The following INPP5A variants were observed in gnomAD, a reference collection of about 807,000 sequenced individuals.
INPP5A encodes 43 kDa inositol polyphosphate 5-phophatase.
Under a neutral mutation model 65.2 loss-of-function variants are expected in INPP5A, and 14 were observed. The observed-to-expected ratio is 0.21, with a 90% CI of 0.14 to 0.34. INPP5A has a LOEUF of 0.34. Ranked by LOEUF, INPP5A falls within the 10% of genes least tolerant of loss-of-function variation. The probability of loss-of-function intolerance (pLI) is 1.00; values close to 1 mark genes in which losing one functional copy is unlikely to be tolerated. For synonymous variants in INPP5A, 207 were observed against 208.3 expected, an observed-to-expected ratio of 0.99 and a Z score of 0.05; for missense variants, 431 against 545.6, an observed-to-expected ratio of 0.79 and a Z score of 2.09.
intron 1 of INPP5A, among the ~76,000 whole-genome samples, chr10:132,543,971 G>A (rs1283621131): frequency 2.0e-5 from 3 of 152,256 alleles, no homozygotes; most frequent in Non-Finnish European, 4.4e-5. Context: ...TGCGTTCTCA[G>A]TGCTGTTGGG....
At chr10:132,763,954 A>G (rs1460090599) in intron 11 of INPP5A, among the ~76,000 whole-genome samples, 1 of 152,238 alleles carries the variant, frequency 6.6e-6, no homozygotes. Flanking sequence ...GCCTTTGAGG[A>G]GGGGCATCCG....
intron 12 of INPP5A, among the ~76,000 whole-genome samples, chr10:132,770,959 A>G (rs1203194466): frequency 6.6e-6 from 1 of 152,176 alleles, no homozygotes; most frequent in South Asian, 2.1e-4. Flanking sequence ...ACGTTTTCCA[A>G]CACCCTCGGG....
chr10:132,752,026 G>A (rs1211675588), intron 11 of INPP5A, among the ~76,000 whole-genome samples: 10 of 148,996 alleles, frequency 6.7e-5, no homozygotes, highest in African/African-American at 2.2e-4. Flanking sequence ...AGAGGCAGGT[G>A]CCCAGGAAGC....
Position 132,782,451 on chromosome 10 carries a change from G to GA in INPP5A, c.*423dup. 1 of 212,982 alleles carries GA rather than the reference G, an allele frequency of 4.7e-6. No homozygotes were observed. The highest frequency in any genetic ancestry group is 6.9e-5 in the South Asian group (1 of 14,426). The allele number at this position is 212,982 out of a possible 1,614,324, so 13.2% of individuals were successfully genotyped here. A position where few individuals can be genotyped will look rare whatever the true frequency, so the allele number is the denominator to read the frequency against. On this transcript the variant is annotated 3_prime_UTR_variant, in exon 16 of 16. Coordinates refer to ENST00000368594, the MANE Select transcript of INPP5A (RefSeq NM_005539.5). The surrounding 1 kb of genome is among the most constrained non-coding windows in gnomAD (Gnocchi z 4.4). Reference sequence around the variant, plus strand: ...GGTGTGTCCAGGGGCTGGGGAAGCCGAGACGGGCACTCCCTCTGCCGGCCG... The same window carrying GA: ...GGTGTGTCCAGGGGCTGGGGAAGCCGAAGACGGGCACTCCCTCTGCCGGCCG...
intron 9 of INPP5A, among the ~76,000 whole-genome samples, chr10:132,739,604 C>A: frequency 6.6e-6 from 1 of 152,216 alleles, no homozygotes; most frequent in East Asian, 1.9e-4. Flanking sequence ...CAGAGGGGGA[C>A]GCAGCGCTCT....
chr10:132,651,083 C>A lies in INPP5A; in HGVS notation c.306+578C>A, dbSNP rs552569495. ...CACATGAGAGGGTGGCCCTGGTGGACGTGGCAGCCACAGAGATACAGGCAC... is the reference window on the plus strand; with the variant it reads ...CACATGAGAGGGTGGCCCTGGTGGAAGTGGCAGCCACAGAGATACAGGCAC... On this transcript the variant is annotated intron_variant, in intron 4 of 15. Coordinates refer to ENST00000368594, the MANE Select transcript of INPP5A (RefSeq NM_005539.5). The surrounding 1 kb of genome is among the most constrained non-coding windows in gnomAD (Gnocchi z 5.0). 6.6e-6 allele frequency among the ~76,000 whole-genome samples: 1 copy of A among 152,240 alleles called. No individual in the cohort carries two copies. Among genetic ancestry groups the A allele is most frequent in the East Asian group, 1.9e-4 (1 of 5,172 alleles).
chr10:132,768,656 C>T (rs936318207), intron 12 of INPP5A, among the ~76,000 whole-genome samples: 2 of 152,224 alleles, frequency 1.3e-5, no homozygotes, highest in Admixed American at 6.5e-5. Flanking sequence ...CGTGGGAAGG[C>T]GTCCTTGCCA....
intron 9 of INPP5A, among the ~76,000 whole-genome samples, chr10:132,734,134 G>A (rs551281510): frequency 4.6e-5 from 7 of 152,348 alleles, no homozygotes; most frequent in African/African-American, 1.4e-4. Context: ...TGCCATGCCC[G>A]TGCAGCCTCC....
intron 1 of INPP5A, among the ~76,000 whole-genome samples, chr10:132,601,223 T>C (rs2071773230): frequency 6.6e-6 from 1 of 152,270 alleles, no homozygotes; most frequent in South Asian, 2.1e-4. Context: ...CATTTCATTA[T>C]GGTTTTCATT....
chr10:132,688,590 C>T (rs1276168357), intron 4 of INPP5A, among the ~76,000 whole-genome samples: 1 of 152,190 alleles, frequency 6.6e-6, no homozygotes, highest in African/African-American at 2.4e-5. Flanking sequence ...AGCAAGAGTG[C>T]ATGAGTGCGT....
At chr10:132,728,347 G>A (rs569771615) in intron 9 of INPP5A, among the ~76,000 whole-genome samples, 2 of 152,338 alleles carry the variant, frequency 1.3e-5, no homozygotes, top group East Asian at 3.9e-4. Flanking sequence ...TCGGTCTCTG[G>A]CCTGCCATCC....
chr10:132,557,132 CG>C (rs2071137413), intron 1 of INPP5A, among the ~76,000 whole-genome samples: 1 of 152,218 alleles, frequency 6.6e-6, no homozygotes, highest in Admixed American at 6.5e-5. Context: ...TAAAGGCCGA[CG>C]GGCCCGGCTT....
At chr10:132,641,014 C>T (rs2072421577) in intron 2 of INPP5A, among the ~76,000 whole-genome samples, 1 of 152,232 alleles carries the variant, frequency 6.6e-6, no homozygotes, top group Admixed American at 6.5e-5. Flanking sequence ...ACTCTGTTCA[C>T]CCCTCTGTCT....
At chr10:132,539,531 G>A (rs894231254) in intron 1 of INPP5A, among the ~76,000 whole-genome samples, 83 of 152,200 alleles carry the variant, frequency 5.5e-4, no homozygotes, top group Admixed American at 1.9e-3. Flanking sequence ...GGCCCAGGGC[G>A]CACTGGGAGC....
chr10:132,780,997 G>T, intron 14 of INPP5A, 80 bp downstream of exon 14: 1 of 922,720 alleles, frequency 1.1e-6, no homozygotes, highest in East Asian at 2.6e-5. Flanking sequence ...GCCAGTGGGT[G>T]GGCGGGTGCT....
chr10:132,667,218 G>A (rs1015796229), intron 4 of INPP5A, among the ~76,000 whole-genome samples: 3 of 152,218 alleles, frequency 2.0e-5, no homozygotes, highest in Non-Finnish European at 2.9e-5. Flanking sequence ...TGTCTAAGCC[G>A]CAGCCCCTTT....
At position 132,675,833 on chromosome 10, in the gene INPP5A, G is replaced by A. The variant is rs1590916318; in HGVS notation, c.307-14559G>A. Reference sequence around the variant, plus strand: ...GCCCTGAGCTTTTGTACTGGCAGAAGGTATTTTGTAAACAGCTTGTGTTCA... The same window carrying A: ...GCCCTGAGCTTTTGTACTGGCAGAAAGTATTTTGTAAACAGCTTGTGTTCA... On this transcript the variant is annotated intron_variant, in intron 4 of 15. Transcript: ENST00000368594. The surrounding 1 kb of genome is among the most constrained non-coding windows in gnomAD (Gnocchi z 4.2). Among the ~76,000 whole-genome samples, 1 of 152,182 alleles carries A rather than the reference G, an allele frequency of 6.6e-6. No homozygotes were observed. Among genetic ancestry groups the A allele is most frequent in the Non-Finnish European group, 1.5e-5 (1 of 68,032 alleles).
chr10:132,620,070 G>A (rs1590872929), intron 2 of INPP5A, among the ~76,000 whole-genome samples: 1 of 152,226 alleles, frequency 6.6e-6, no homozygotes, highest in Admixed American at 6.5e-5. Flanking sequence ...CAACCTAGAT[G>A]TGGGGAGCAC....
Position 132,719,317 on chromosome 10 carries a change from C to A in INPP5A, c.648-7504C>A, listed in dbSNP as rs540903331. Among the ~76,000 whole-genome samples the A allele has an allele frequency of 5.4e-4, 80 of 149,468 alleles. 1 individual carries two copies. Among genetic ancestry groups the A allele is most frequent in the Non-Finnish European group, 7.6e-4 (51 of 67,306 alleles). ...CTGGGTTCTGTCTGGGCGCCTTAGG[C>A]GGCTGTCTTCAGGGTTCTGTGGTAC... On this transcript the variant is annotated intron_variant, in intron 8 of 15. Coordinates refer to ENST00000368594, the MANE Select transcript of INPP5A (RefSeq NM_005539.5).
Sources: allele counts gnomAD v4.1 joint callset (sites outside exome capture counted in the v4.1 genomes callset), GRCh38; gene constraint gnomAD v4.1.1; non-coding constraint Gnocchi (gnomAD v3.1); transcripts MANE v1.5; gene names NCBI Gene and HGNC (gene_info 2026-07-23, HGNC 2026-07-21).